HOMER1: variants seen among roughly 807,000 people sequenced by gnomAD.
The protein encoded by HOMER1 is homer scaffold protein 1.
HOMER1 carries 3 observed loss-of-function variants against 48.9 expected under a neutral mutation model. That is an observed-to-expected ratio of 0.06 (90% confidence interval 0.03 to 0.16). The LOEUF is 0.16. Ranked by LOEUF, HOMER1 falls within the 10% of genes least tolerant of loss-of-function variation. The pLI is 1.00. For missense variants in HOMER1, 247 were observed against 411.4 expected, an observed-to-expected ratio of 0.60 and a Z score of 3.46; for synonymous variants, 134 against 146.4, an observed-to-expected ratio of 0.92 and a Z score of 0.61.
At chr5:79,507,212 C>CAAAAAAAAAAAAAAAAAAAAAA in intron 1 of HOMER1, among the ~76,000 whole-genome samples, 1 of 51,916 alleles carries the variant, frequency 1.9e-5, no homozygotes, top group Non-Finnish European at 3.6e-5. Context: ...GGCTCTATCT[C>CAAAAAAAAAAAAAAAAAAAAAA]AAAAAAAAAA....
intron 8 of HOMER1, among the ~76,000 whole-genome samples, chr5:79,379,140 TA>T (rs1323053698): frequency 1.8e-5 from 2 of 112,192 alleles, no homozygotes; most frequent in Non-Finnish European, 3.5e-5. Flanking sequence ...TATTTATATA[TA>T]AAAATTATTT....
At chr5:79,428,914 T>C (rs1234529539) in intron 5 of HOMER1, among the ~76,000 whole-genome samples, 2 of 152,098 alleles carry the variant, frequency 1.3e-5, no homozygotes, top group Admixed American at 1.3e-4. Context: ...TCCCAACTGG[T>C]TTCATTGAAG....
chr5:79,445,395 T>G (rs1750847526), intron 4 of HOMER1, among the ~76,000 whole-genome samples: 1 of 152,184 alleles, frequency 6.6e-6, no homozygotes, highest in Non-Finnish European at 1.5e-5. Flanking sequence ...CTGAAAATAG[T>G]GGCATTCTAT....
chr5:79,385,842 C>CAAAAAAAAAAAAAAAAAAAA (rs33968519), intron 8 of HOMER1, among the ~76,000 whole-genome samples: 1 of 70,794 alleles, frequency 1.4e-5, no homozygotes, highest in Non-Finnish European at 2.4e-5. Flanking sequence ...GACTCTGTCT[C>CAAAAAAAAAAAAAAAAAAAA]AAAAAAAAAA....
intron 5 of HOMER1, among the ~76,000 whole-genome samples, chr5:79,410,933 C>T (rs1010294955): frequency 3.3e-5 from 5 of 152,116 alleles, no homozygotes; most frequent in Non-Finnish European, 7.4e-5. Context: ...GAGCTGTTCA[C>T]AAAGAAATCA....
intron 1 of HOMER1, among the ~76,000 whole-genome samples, chr5:79,502,843 T>A (rs910336315): frequency 6.6e-6 from 1 of 152,126 alleles, no homozygotes; most frequent in Non-Finnish European, 1.5e-5. Flanking sequence ...CAGGCTGGAG[T>A]GCAGTGGCGC....
intron 5 of HOMER1, among the ~76,000 whole-genome samples, chr5:79,404,106 A>C (rs1463254756): frequency 1.3e-5 from 2 of 152,214 alleles, no homozygotes; most frequent in Admixed American, 6.5e-5. Context: ...ATTTAAATGG[A>C]AACTTCAATC....
chr5:79,450,596 C>T (rs938196266), intron 3 of HOMER1, among the ~76,000 whole-genome samples: 5 of 152,186 alleles, frequency 3.3e-5, no homozygotes, highest in African/African-American at 7.2e-5. Context: ...GCTGTCACAT[C>T]AAAATGCTGA....
At chr5:79,384,168 G>T (rs1426467066) in intron 8 of HOMER1, among the ~76,000 whole-genome samples, 2 of 146,902 alleles carry the variant, frequency 1.4e-5, no homozygotes, top group Non-Finnish European at 3.0e-5. Context: ...GATCAGAGGA[G>T]AACAAAACAA....
At position 79,375,087 on chromosome 5, in the gene HOMER1, ATCAT is replaced by A. The variant is rs896233536; in HGVS notation, c.*918_*921del. On this transcript the variant is annotated 3_prime_UTR_variant, in exon 9 of 9. Transcript: ENST00000334082. ...ATTATTCGTAAATTGAAATGCATTG[ATCAT>A]TCAGAAAAGATTTCTTGCAAAATAT... 6.6e-6 allele frequency: 1 copy of A among 152,082 alleles called. No individual in the cohort carries two copies. The highest frequency in any genetic ancestry group is 2.4e-5 in the African/African-American group (1 of 41,430). The allele number at this position is 152,082 out of a possible 1,614,324, so 9.4% of individuals were successfully genotyped here. A position where few individuals can be genotyped will look rare whatever the true frequency, so the allele number is the denominator to read the frequency against.
intron 5 of HOMER1, among the ~76,000 whole-genome samples, chr5:79,410,016 C>T (rs1005964568): frequency 1.8e-4 from 27 of 152,124 alleles, no homozygotes; most frequent in African/African-American, 6.3e-4. Flanking sequence ...TAGGTATATG[C>T]CCAAAAGCAG....
chr5:79,403,324 T>A (rs1349257876), intron 5 of HOMER1, among the ~76,000 whole-genome samples: 1 of 152,174 alleles, frequency 6.6e-6, no homozygotes, highest in African/African-American at 2.4e-5. Flanking sequence ...TGGGTTGATA[T>A]TTTATAGTAA....
At chr5:79,388,252 C>T (rs1045075721) in intron 8 of HOMER1, among the ~76,000 whole-genome samples, 13 of 151,980 alleles carry the variant, frequency 8.6e-5, no homozygotes, top group Non-Finnish European at 1.9e-4. Context: ...AGGAATCTTG[C>T]GGGGTAAAGG....
chr5:79,507,212 C>CAAAA (rs34697575), intron 1 of HOMER1, among the ~76,000 whole-genome samples: 689 of 51,894 alleles, frequency 0.013, 11 homozygotes, highest in Non-Finnish European at 0.02. Flanking sequence ...GGCTCTATCT[C>CAAAA]AAAAAAAAAA....
intron 1 of HOMER1, among the ~76,000 whole-genome samples, chr5:79,477,656 AAG>A (rs1320497935): frequency 6.6e-6 from 1 of 152,260 alleles, no homozygotes; most frequent in Non-Finnish European, 1.5e-5. Flanking sequence ...ATGTTTGGAC[AAG>A]AGTCTAGGGA....
At chr5:79,437,639 T>C (rs975848107) in intron 5 of HOMER1, among the ~76,000 whole-genome samples, 3 of 152,200 alleles carry the variant, frequency 2.0e-5, no homozygotes, top group African/African-American at 7.2e-5. Flanking sequence ...TTTTCCTCTG[T>C]TCATTCCTAA....
chr5:79,463,399 G>T (rs1213884727), intron 1 of HOMER1, among the ~76,000 whole-genome samples: 1 of 152,176 alleles, frequency 6.6e-6, no homozygotes, highest in Admixed American at 6.5e-5. Flanking sequence ...AGGACCTAAA[G>T]AAACCCTTAG....
At chr5:79,471,047 A>T (rs1233965191) in intron 1 of HOMER1, among the ~76,000 whole-genome samples, 2 of 152,298 alleles carry the variant, frequency 1.3e-5, no homozygotes, top group East Asian at 3.9e-4. Context: ...AGGAAAAAAA[A>T]AGTGGGGTGG....
intron 5 of HOMER1, among the ~76,000 whole-genome samples, chr5:79,414,363 ACCTGGCCTGTTATTCG>A (rs1407965736): frequency 6.7e-6 from 1 of 148,652 alleles, no homozygotes; most frequent in Non-Finnish European, 1.5e-5. Flanking sequence ...CCAACAGTGC[ACCTGGCCTGTTATTCG>A]CCTGGCCTGT....
Sources: allele counts gnomAD v4.1 joint callset (sites outside exome capture counted in the v4.1 genomes callset), GRCh38; gene constraint gnomAD v4.1.1; transcripts MANE v1.5; gene names NCBI Gene and HGNC (gene_info 2026-07-23, HGNC 2026-07-21).